The following ATP5MK variants were observed in gnomAD, a reference collection of about 807,000 sequenced individuals.
ATP5MK encodes ATP synthase F(0) complex subunit k, mitochondrial.
Under a neutral mutation model 6.6 loss-of-function variants are expected in ATP5MK, and 5 were observed. That is an observed-to-expected ratio of 0.76 (90% CI 0.40 to 1.60). ATP5MK has a LOEUF of 1.60. Ranked by LOEUF, ATP5MK falls within the 40% of genes most tolerant of loss-of-function variation. ATP5MK has a pLI of 0.02. For synonymous variants in ATP5MK, 30 were observed against 24.5 expected, an observed-to-expected ratio of 1.22 and a Z score of -0.66; for missense variants, 57 against 66.6, an observed-to-expected ratio of 0.86 and a Z score of 0.50.
At chr10:103,389,463 C>CA (rs2093407194) in intron 4 of ATP5MK, among the ~76,000 whole-genome samples, 1 of 152,080 alleles carries the variant, frequency 6.6e-6, no homozygotes, top group Non-Finnish European at 1.5e-5. Flanking sequence ...GCTGGGATTA[C>CA]AGGCATGTGC....
intron 4 of ATP5MK, among the ~76,000 whole-genome samples, chr10:103,390,985 AAAAG>A (rs1168916685): frequency 1.3e-5 from 2 of 152,328 alleles, no homozygotes; most frequent in African/African-American, 2.4e-5. Context: ...ACAAACTAGA[AAAAG>A]AAATATTTGC....
intron 1 of ATP5MK, 33 bp downstream of exon 1, chr10:103,396,376 C>G (rs1016883679): frequency 2.0e-5 from 3 of 152,362 alleles, no homozygotes; most frequent in African/African-American, 7.2e-5. Context: ...GTGCAGGCGC[C>G]AGGTCCAAGC....
chr10:103,389,397 A>G (rs2093406881), intron 4 of ATP5MK, among the ~76,000 whole-genome samples: 2 of 152,178 alleles, frequency 1.3e-5, no homozygotes, highest in South Asian at 4.1e-4. Context: ...ATCTCGGCTC[A>G]CTGCAACCTC....
At chr10:103,389,441 G>GC (rs2093407071) in intron 4 of ATP5MK, among the ~76,000 whole-genome samples, 1 of 151,998 alleles carries the variant, frequency 6.6e-6, no homozygotes, top group South Asian at 2.1e-4. Context: ...CCCTGCCTCA[G>GC]CCTCCCAAGT....
chr10:103,390,964 A>T (rs1053822948), intron 4 of ATP5MK, among the ~76,000 whole-genome samples: 2 of 152,244 alleles, frequency 1.3e-5, no homozygotes, highest in African/African-American at 4.8e-5. Context: ...AGAATTACAT[A>T]AACATTGGAA....
chr10:103,391,250 G>A (rs1310736851), intron 4 of ATP5MK, among the ~76,000 whole-genome samples: 2 of 152,160 alleles, frequency 1.3e-5, no homozygotes, highest in African/African-American at 4.8e-5. Context: ...TCATAATTGG[G>A]AAAGCACTTT....
intron 4 of ATP5MK, among the ~76,000 whole-genome samples, chr10:103,391,537 T>C (rs966766324): frequency 2.6e-5 from 4 of 152,176 alleles, no homozygotes; most frequent in African/African-American, 9.7e-5. Flanking sequence ...GACAAAGTCT[T>C]GCTCTTGTCC....
chr10:103,394,105 G>C (rs2093422730), intron 2 of ATP5MK: 1 of 282,514 alleles, frequency 3.5e-6, no homozygotes, highest in South Asian at 3.1e-5. Context: ...GCTAAAGTTT[G>C]AAAAATACTG....
intron 4 of ATP5MK, among the ~76,000 whole-genome samples, 172 bp from the exon 5 acceptor site, chr10:103,389,338 T>G (rs895578910): frequency 1.3e-5 from 2 of 152,236 alleles, no homozygotes; most frequent in South Asian, 4.1e-4. Context: ...CTTTTTTTTT[T>G]TTGAGACAGA....
At chr10:103,395,151 T>TA (rs2093427800) in intron 2 of ATP5MK, among the ~76,000 whole-genome samples, 1 of 151,928 alleles carries the variant, frequency 6.6e-6, no homozygotes, top group African/African-American at 2.4e-5. Context: ...GATAATGGAG[T>TA]AAGGTCGAAA....
intron 2 of ATP5MK, among the ~76,000 whole-genome samples, chr10:103,393,585 A>T (rs2093421041): frequency 6.6e-6 from 1 of 151,862 alleles, no homozygotes; most frequent in Admixed American, 6.6e-5. Context: ...GTCTCAAAAA[A>T]AAAAAAAATA....
chr10:103,392,042 T>C (rs2093416034), intron 4 of ATP5MK, 149 bp downstream of exon 4: 1 of 637,548 alleles, frequency 1.6e-6, no homozygotes, highest in Admixed American at 3.3e-5. Context: ...ATTACAGGTA[T>C]GAGCCACTAT....
intron 4 of ATP5MK, among the ~76,000 whole-genome samples, chr10:103,390,302 G>A (rs528701371): frequency 6.6e-6 from 1 of 151,934 alleles, no homozygotes; most frequent in African/African-American, 2.4e-5. Flanking sequence ...GAGCAGCCTG[G>A]GCAACATCAC....
intron 4 of ATP5MK, 42 bp downstream of exon 4, chr10:103,392,149 C>CA: frequency 6.5e-7 from 1 of 1,539,484 alleles, no homozygotes; most frequent in South Asian, 1.2e-5. Flanking sequence ...ATCCTAACAT[C>CA]AAAATGGCTA....
intron 4 of ATP5MK, 60 bp downstream of exon 4, chr10:103,392,131 A>G (rs2093416310): frequency 6.8e-7 from 1 of 1,462,366 alleles, no homozygotes; most frequent in Admixed American, 2.1e-5. Context: ...ACTAAATGTT[A>G]GGGAAAAATC....
chr10:103,390,081 A>T (rs146062146), intron 4 of ATP5MK, among the ~76,000 whole-genome samples: 1 of 152,272 alleles, frequency 6.6e-6, no homozygotes, highest in African/African-American at 2.4e-5. Context: ...GTTAGGAGGT[A>T]ATTAATATAA....
intron 4 of ATP5MK, among the ~76,000 whole-genome samples, chr10:103,390,831 A>G (rs2093412380): frequency 1.3e-5 from 2 of 152,258 alleles, no homozygotes; most frequent in African/African-American, 4.8e-5. Flanking sequence ...CATCAGATGA[A>G]GATCTGGCAT....
intron 4 of ATP5MK, 148 bp downstream of exon 4, chr10:103,392,043 G>A (rs983620720): frequency 3.1e-6 from 2 of 640,072 alleles, no homozygotes; most frequent in Admixed American, 3.3e-5. Flanking sequence ...TTACAGGTAT[G>A]AGCCACTATA....
intron 2 of ATP5MK, chr10:103,394,116 C>A: frequency 3.6e-6 from 1 of 279,928 alleles, no homozygotes; most frequent in Non-Finnish European, 7.6e-6. Flanking sequence ...AAAAATACTG[C>A]AGTAAATGAA....
Sources: allele counts gnomAD v4.1 joint callset (sites outside exome capture counted in the v4.1 genomes callset), GRCh38; gene constraint gnomAD v4.1.1; transcripts MANE v1.5; gene names NCBI Gene and HGNC (gene_info 2026-07-23, HGNC 2026-07-21).